The following CLIC5 variants were observed in gnomAD, a reference collection of about 807,000 sequenced individuals.
CLIC5 encodes the protein CLIC family member 5.
In CLIC5, 20 loss-of-function variants were observed where a neutral mutation model predicts 24.7. The ratio of observed to expected loss-of-function variants is 0.81; its 90% CI spans 0.57 to 1.18. The LOEUF (loss-of-function observed/expected upper bound fraction) is 1.18. Among genes scored for constraint, CLIC5 ranks in the 50% most tolerant of loss-of-function variants. The pLI is 0.00. For synonymous variants in CLIC5, 159 were observed against 135.6 expected, an observed-to-expected ratio of 1.17 and a Z score of -1.20; for missense variants, 341 against 326.1, an observed-to-expected ratio of 1.05 and a Z score of -0.35.
chr6:46,045,796 C>T (rs982978506), intron 1 of CLIC5, among the ~76,000 whole-genome samples: 1 of 151,722 alleles, frequency 6.6e-6, no homozygotes, highest in Non-Finnish European at 1.5e-5. Flanking sequence ...TCCAATTATG[C>T]CATATTACTA....
intron 4 of CLIC5, among the ~76,000 whole-genome samples, chr6:45,915,218 A>G (rs1026162380): frequency 5.3e-5 from 8 of 151,976 alleles, no homozygotes; most frequent in African/African-American, 1.9e-4. Context: ...GAGAGCCACC[A>G]TGCCTGGCCA....
chr6:46,021,216 C>T (rs1242913566), intron 1 of CLIC5, among the ~76,000 whole-genome samples: 1 of 151,694 alleles, frequency 6.6e-6, no homozygotes, highest in African/African-American at 2.4e-5. Context: ...TAGAGCAATG[C>T]AAATAAAGAG....
At chr6:46,009,056 C>A (rs1254058584) in intron 1 of CLIC5, among the ~76,000 whole-genome samples, 1 of 152,018 alleles carries the variant, frequency 6.6e-6, no homozygotes, top group Admixed American at 6.5e-5. Flanking sequence ...ATAGACAGGA[C>A]CTGGGCAGGT....
chr6:46,065,217 T>C (rs961353886), intron 1 of CLIC5, among the ~76,000 whole-genome samples: 2 of 152,076 alleles, frequency 1.3e-5, no homozygotes, highest in Admixed American at 1.3e-4. Flanking sequence ...AGCTACAATT[T>C]AGTGAAATGC....
the CLIC5 span, among the ~76,000 whole-genome samples, chr6:46,090,801 T>A: frequency 6.6e-6 from 1 of 152,232 alleles, no homozygotes; most frequent in Non-Finnish European, 1.5e-5. Flanking sequence ...ACTTCTTACA[T>A]GTTTTAGGTT....
At chr6:45,979,465 A>G (rs79777599) in intron 1 of CLIC5, among the ~76,000 whole-genome samples, 3,183 of 152,330 alleles carry the variant, frequency 0.021, 40 homozygotes, top group Non-Finnish European at 0.035. Context: ...TGTCTCTGGG[A>G]AGTGACATTT....
chr6:46,086,418 TA>T, the CLIC5 span, among the ~76,000 whole-genome samples: 1 of 152,180 alleles, frequency 6.6e-6, no homozygotes, highest in Non-Finnish European at 1.5e-5. Flanking sequence ...AAGTGATAGA[TA>T]AGTGGACAAT....
At chr6:45,918,208 A>G (rs1358033673) in intron 4 of CLIC5, among the ~76,000 whole-genome samples, 1 of 152,134 alleles carries the variant, frequency 6.6e-6, no homozygotes, top group East Asian at 1.9e-4. Context: ...TTTAAGGAGG[A>G]AAAAAAATCC....
chr6:45,893,920 G>T (rs1443342650), downstream of CLIC5, among the ~76,000 whole-genome samples: 1 of 152,006 alleles, frequency 6.6e-6, no homozygotes, highest in Non-Finnish European at 1.5e-5. Context: ...CCTATGTTTT[G>T]CCATCTACTT....
At chr6:45,983,778 T>C (rs1765641873) in intron 1 of CLIC5, among the ~76,000 whole-genome samples, 1 of 152,230 alleles carries the variant, frequency 6.6e-6, no homozygotes, top group African/African-American at 2.4e-5. Context: ...GGGCCTGAAA[T>C]ATAATGCCTT....
At chr6:45,915,033 G>A (rs1480783625) in intron 4 of CLIC5, among the ~76,000 whole-genome samples, 5 of 151,556 alleles carry the variant, frequency 3.3e-5, no homozygotes, top group East Asian at 2.0e-4. Flanking sequence ...TGGTTCAAAC[G>A]ATTTTCCTGC....
At position 45,917,737 on chromosome 6, in the gene CLIC5, T is replaced by C. The variant is rs1269244726; in HGVS notation, c.407-3328A>G. Among the ~76,000 whole-genome samples, 7 of 152,218 alleles carry C rather than the reference T, an allele frequency of 4.6e-5. No individual in the cohort carries two copies. In the East Asian group the frequency reaches 1.3e-3, roughly 29 times the overall value. ...ACCTGCCAACTCATTCCTCTGACCC[T>C]GGCTCAATCTGCCATCCATAGAATT... On this transcript the variant is annotated intron_variant, in intron 4 of 5. Coordinates refer to ENST00000339561, the MANE Select transcript of CLIC5 (RefSeq NM_016929.5).
chr6:45,941,735 A>C, intron 3 of CLIC5, 82 bp from the exon 4 acceptor site: 1 of 1,024,148 alleles, frequency 9.8e-7, no homozygotes, highest in Non-Finnish European at 1.5e-6. Context: ...CATGATAAGC[A>C]ATACTTCCCT....
chr6:46,033,296 G>GA (rs1554164114), intron 1 of CLIC5, among the ~76,000 whole-genome samples: 1 of 143,472 alleles, frequency 7.0e-6, no homozygotes, highest in Non-Finnish European at 1.5e-5. Context: ...CAAATCTATA[G>GA]TTTTTTTTTT....
chr6:46,007,903 T>TTTTTTC (rs1265215111), intron 1 of CLIC5, among the ~76,000 whole-genome samples: 1 of 143,908 alleles, frequency 6.9e-6, no homozygotes, highest in East Asian at 2.0e-4. Context: ...TTTTCCTGTT[T>TTTTTTC]TTTTTCTTTT....
Position 45,900,731 on chromosome 6 carries a change from C to T in CLIC5, c.*2357G>A, listed in dbSNP as rs372460592. On this transcript the variant is annotated 3_prime_UTR_variant, in exon 6 of 6. Coordinates refer to ENST00000339561, the MANE Select transcript of CLIC5 (RefSeq NM_016929.5). Reference sequence around the variant, plus strand: ...GTACTCCTCCCTCTCTTTCAAATGGCTATCATTGATCATATAACACCCCCA... The same window carrying T: ...GTACTCCTCCCTCTCTTTCAAATGGTTATCATTGATCATATAACACCCCCA... 7.9e-5 allele frequency: 12 copies of T among 152,136 alleles called. No homozygotes were observed. Among genetic ancestry groups the T allele is most frequent in the African/African-American group, 2.7e-4 (11 of 41,440 alleles). 9.4% of individuals were successfully genotyped at this position (152,136 alleles called of 1,614,324 possible).
chr6:45,932,966 G>C (rs56766806), intron 4 of CLIC5, among the ~76,000 whole-genome samples: 21 of 152,148 alleles, frequency 1.4e-4, no homozygotes, highest in Non-Finnish European at 2.2e-4. Context: ...CTTCAATCAC[G>C]TTCCCATTCA....
At chr6:46,125,096 T>C in the CLIC5 span, among the ~76,000 whole-genome samples, 2 of 152,332 alleles carry the variant, frequency 1.3e-5, no homozygotes, top group African/African-American at 4.8e-5. Context: ...CAAAGGATTA[T>C]AAATCATGTT....
intron 1 of CLIC5, among the ~76,000 whole-genome samples, chr6:45,988,703 G>C (rs1581831201): frequency 6.6e-6 from 1 of 152,216 alleles, no homozygotes; most frequent in East Asian, 1.9e-4. Context: ...ATTAGAAAGA[G>C]TATGAAATCA....
Sources: gnomAD v4.1 joint callset for allele counts (sites outside exome capture counted in the v4.1 genomes callset) on GRCh38, gnomAD v4.1.1 for gene constraint, MANE v1.5 for transcripts, NCBI Gene and HGNC (gene_info 2026-07-23, HGNC 2026-07-21) for gene names.